The following DOK6 variants were observed in gnomAD, a reference collection of about 807,000 sequenced individuals.
DOK6 encodes the protein downstream of tyrosine kinase 6.
In DOK6, 22 loss-of-function variants were observed where a neutral mutation model predicts 44.0. The ratio of observed to expected loss-of-function variants is 0.50; its 90% CI spans 0.36 to 0.71. The LOEUF is 0.71. Ranked by LOEUF, DOK6 falls within the 30% of genes least tolerant of loss-of-function variation. DOK6 has a pLI of 0.00. For missense variants in DOK6, 340 were observed against 416.4 expected (o/e 0.82, Z 1.60); for synonymous variants, 166 against 145.5 (o/e 1.14, Z -1.01).
At chr18:69,840,232 G>A (rs190446934) in intron 7 of DOK6, among the ~76,000 whole-genome samples, 55 of 152,372 alleles carry the variant, frequency 3.6e-4, no homozygotes, top group Admixed American at 3.1e-3. Context: ...TCGCCCAGGC[G>A]ATCAGATGAC....
chr18:69,626,188 G>A (rs184112666), intron 3 of DOK6, among the ~76,000 whole-genome samples: 208 of 152,226 alleles, frequency 1.4e-3, no homozygotes, highest in South Asian at 6.6e-3. Context: ...GCTAAAAATT[G>A]TTTAGTGACA....
At chr18:69,682,718 G>C (rs140835869) in intron 4 of DOK6, among the ~76,000 whole-genome samples, 1 of 152,278 alleles carries the variant, frequency 6.6e-6, no homozygotes, top group Non-Finnish European at 1.5e-5. Context: ...CGGAAAGGAA[G>C]TGAAAAGCTG....
chr18:69,536,782 GC>G lies in DOK6; in HGVS notation c.67-27704del, dbSNP rs145929561. ...TTTTGTTTTAAAGGGACTTTTAACA[GC>G]GATTTAGTTCACCTGCTTCATTTTA... On this transcript the variant is annotated intron_variant, in intron 1 of 7. Coordinates refer to ENST00000382713, the MANE Select transcript of DOK6 (RefSeq NM_152721.6). 7.1e-3 allele frequency among the ~76,000 whole-genome samples: 1,082 copies of G among 151,942 alleles called. 18 individuals carry two copies. The highest frequency in any genetic ancestry group is 0.025 in the African/African-American group (1,018 of 41,508).
chr18:69,704,237 C>G (rs967291571), intron 5 of DOK6, among the ~76,000 whole-genome samples: 1 of 152,176 alleles, frequency 6.6e-6, no homozygotes, highest in Non-Finnish European at 1.5e-5. Flanking sequence ...ACAGCCCCCC[C>G]ACCCCACATC....
chr18:69,781,723 T>C (rs1319640578), intron 7 of DOK6, among the ~76,000 whole-genome samples: 1 of 152,200 alleles, frequency 6.6e-6, no homozygotes, highest in Non-Finnish European at 1.5e-5. Flanking sequence ...TTGAAATCAT[T>C]TACCATTTTA....
At chr18:69,658,163 G>A (rs1985417574) in intron 3 of DOK6, among the ~76,000 whole-genome samples, 1 of 151,602 alleles carries the variant, frequency 6.6e-6, no homozygotes, top group Non-Finnish European at 1.5e-5. Context: ...TATTGACCAG[G>A]CTGGTTTTAC....
At chr18:69,657,811 T>C (rs1175342594) in intron 3 of DOK6, among the ~76,000 whole-genome samples, 1 of 152,218 alleles carries the variant, frequency 6.6e-6, no homozygotes, top group Non-Finnish European at 1.5e-5. Flanking sequence ...GTCTGCGTTC[T>C]ACCAGACCTA....
chr18:69,793,246 TAACAAA>T (rs1324313315), intron 7 of DOK6, among the ~76,000 whole-genome samples: 1 of 152,156 alleles, frequency 6.6e-6, no homozygotes, highest in Non-Finnish European at 1.5e-5. Flanking sequence ...TTTGAAACAG[TAACAAA>T]AACAGACATA....
chr18:69,565,474 CGTGTGTGTGTGTGTGTGTGTGT>C (rs869115556), intron 2 of DOK6, among the ~76,000 whole-genome samples: 8 of 87,580 alleles, frequency 9.1e-5, no homozygotes, highest in Admixed American at 1.5e-4. Flanking sequence ...TCTGTCTCTA[CGTGTGTGTGTGTGTGTGTGTGT>C]GTGTGTGTGT....
At chr18:69,667,613 A>G (rs1985693388) in intron 3 of DOK6, among the ~76,000 whole-genome samples, 1 of 152,230 alleles carries the variant, frequency 6.6e-6, no homozygotes, top group African/African-American at 2.4e-5. Context: ...CTTTGCTAGC[A>G]TGAAAAAGTC....
intron 1 of DOK6, among the ~76,000 whole-genome samples, chr18:69,479,384 A>G (rs1192627526): frequency 1.3e-5 from 2 of 152,092 alleles, no homozygotes; most frequent in African/African-American, 4.8e-5. Flanking sequence ...AGAGTAAGGG[A>G]AGAATGTGAT....
chr18:69,807,987 G>A (rs1462362880), intron 7 of DOK6, among the ~76,000 whole-genome samples: 2 of 151,784 alleles, frequency 1.3e-5, no homozygotes, highest in African/African-American at 2.4e-5. Flanking sequence ...AATAGCAGCA[G>A]AATATACATT....
At chr18:69,700,326 C>T (rs1680684569) in intron 5 of DOK6, among the ~76,000 whole-genome samples, 1 of 151,134 alleles carries the variant, frequency 6.6e-6, no homozygotes. Flanking sequence ...GATCCCTTCC[C>T]TTGGATCCTT....
chr18:69,475,486 T>C (rs990002637), intron 1 of DOK6, among the ~76,000 whole-genome samples: 4 of 152,112 alleles, frequency 2.6e-5, no homozygotes, highest in African/African-American at 9.7e-5. Flanking sequence ...AATTGGCAAA[T>C]AGTTTAACTT....
At chr18:69,589,698 C>G (rs1018463796) in intron 2 of DOK6, among the ~76,000 whole-genome samples, 1 of 152,050 alleles carries the variant, frequency 6.6e-6, no homozygotes, top group East Asian at 1.9e-4. Context: ...TAATATTCCA[C>G]TTAATTTGCC....
intron 3 of DOK6, among the ~76,000 whole-genome samples, chr18:69,673,333 A>C (rs186793699): frequency 3.9e-5 from 6 of 152,200 alleles, no homozygotes; most frequent in Non-Finnish European, 8.8e-5. Context: ...TAAATTTAGT[A>C]AAAGCAATAA....
intron 1 of DOK6, among the ~76,000 whole-genome samples, chr18:69,531,963 G>A (rs72963578): frequency 0.12 from 18,368 of 152,082 alleles, 1,492 homozygotes; most frequent in South Asian, 0.27. Flanking sequence ...GGTCACGAGG[G>A]TGGGGCCTCC....
intron 3 of DOK6, among the ~76,000 whole-genome samples, chr18:69,611,071 TG>T (rs1421613933): frequency 7.1e-6 from 1 of 141,114 alleles, no homozygotes; most frequent in Non-Finnish European, 1.5e-5. Context: ...TTAATTTTTA[TG>T]TACCCATAAA....
At chr18:69,747,157 G>A (rs1393261233) in intron 6 of DOK6, among the ~76,000 whole-genome samples, 3 of 152,184 alleles carry the variant, frequency 2.0e-5, no homozygotes, top group Admixed American at 1.3e-4. Flanking sequence ...CACATTGCCA[G>A]GCACATAGAG....
Sources: gnomAD v4.1 joint callset for allele counts (sites outside exome capture counted in the v4.1 genomes callset) on GRCh38, gnomAD v4.1.1 for gene constraint, MANE v1.5 for transcripts, NCBI Gene and HGNC (gene_info 2026-07-23, HGNC 2026-07-21) for gene names.